Variants in DIAPH2 observed in about 807,000 individuals in gnomAD.
The protein encoded by DIAPH2 is diaphanous related formin 2, also known as protein diaphanous homolog 2.
Under a neutral mutation model 92.7 loss-of-function variants are expected in DIAPH2, and 35 were observed. That is an observed-to-expected ratio of 0.38 (90% CI 0.29 to 0.50). DIAPH2 has a LOEUF of 0.50. DIAPH2 is among the 20% of genes least tolerant of loss of function. The pLI is 0.94. For missense variants in DIAPH2, 701 were observed against 819.5 expected, an observed-to-expected ratio of 0.86 and a Z score of 1.77; for synonymous variants, 301 against 280.4, an observed-to-expected ratio of 1.07 and a Z score of -0.73.
At chrX:97,275,101 T>C (rs1239573483) in intron 23 of DIAPH2, among the ~76,000 whole-genome samples, 1 of 112,303 alleles carries the variant, frequency 8.9e-6, no homozygotes, top group Non-Finnish European at 1.9e-5. Context: ...TTCCCCCTTT[T>C]CTACTCGACA....
chrX:97,288,422 G>GA (rs1459111270), intron 23 of DIAPH2, among the ~76,000 whole-genome samples: 3 of 110,992 alleles, frequency 2.7e-5, no homozygotes, highest in Non-Finnish European at 3.8e-5. Context: ...GGGAGGCCAG[G>GA]AATCAACTAA....
intron 17 of DIAPH2, among the ~76,000 whole-genome samples, chrX:97,020,796 G>A (rs1214613179): frequency 1.8e-5 from 2 of 111,595 alleles, no homozygotes; most frequent in Non-Finnish European, 3.8e-5. Context: ...ACTCAGAGTG[G>A]TACACAATTT....
At chrX:96,767,012 A>G (rs867752721) in intron 4 of DIAPH2, among the ~76,000 whole-genome samples, 1 of 111,596 alleles carries the variant, frequency 9.0e-6, no homozygotes, top group Non-Finnish European at 1.9e-5. Flanking sequence ...CTTTGTCAAC[A>G]TTCTAGCCAT....
intron 1 of DIAPH2, among the ~76,000 whole-genome samples, chrX:96,725,715 A>G (rs2064016544): frequency 8.9e-6 from 1 of 112,377 alleles, no homozygotes; most frequent in Non-Finnish European, 1.9e-5. Flanking sequence ...ATTCAAGACC[A>G]TCAGTTAAAA....
intron 9 of DIAPH2, among the ~76,000 whole-genome samples, chrX:96,925,249 T>TA (rs1223621380): frequency 4.5e-5 from 5 of 110,643 alleles, no homozygotes; most frequent in Non-Finnish European, 9.5e-5. Flanking sequence ...ATCTTCCTTT[T>TA]AAAAAAAATC....
chrX:97,153,262 G>A (rs185920848), intron 22 of DIAPH2, among the ~76,000 whole-genome samples: 1 of 111,489 alleles, frequency 9.0e-6, no homozygotes, highest in African/African-American at 3.3e-5. Flanking sequence ...ATTTTGATTA[G>A]ATTTTGTTTA....
intron 3 of DIAPH2, among the ~76,000 whole-genome samples, chrX:96,750,895 C>T: frequency 8.9e-6 from 1 of 112,453 alleles, no homozygotes; most frequent in Non-Finnish European, 1.9e-5. Flanking sequence ...TGGATTGTTT[C>T]AGCTGCTTTT....
At chrX:96,939,236 G>T (rs763003181) in intron 11 of DIAPH2, 30 bp from the exon 12 acceptor site, 8 of 645,800 alleles carry the variant, frequency 1.2e-5, no homozygotes, top group Non-Finnish European at 2.0e-5. Context: ...TTCCATCAAG[G>T]ATCTTTAATA....
At chrX:97,277,463 A>G (rs977043674) in intron 23 of DIAPH2, among the ~76,000 whole-genome samples, 4 of 112,189 alleles carry the variant, frequency 3.6e-5, no homozygotes, top group Admixed American at 2.8e-4. Context: ...AATGTTAGGT[A>G]TGGCTTCATA....
intron 26 of DIAPH2, among the ~76,000 whole-genome samples, chrX:97,517,469 A>G (rs750025850): frequency 8.9e-6 from 1 of 112,254 alleles, no homozygotes; most frequent in East Asian, 2.8e-4. Flanking sequence ...GCTGAGAATC[A>G]TTGACAGAAC....
chrX:97,538,086 A>G (rs935026048), intron 26 of DIAPH2, among the ~76,000 whole-genome samples: 3 of 109,511 alleles, frequency 2.7e-5, no homozygotes, highest in Non-Finnish European at 5.7e-5. Context: ...GGGTTTCACC[A>G]TGTTAGCCAG....
intron 4 of DIAPH2, among the ~76,000 whole-genome samples, chrX:96,836,876 C>G (rs1282474114): frequency 1.0e-5 from 1 of 98,720 alleles, no homozygotes; most frequent in Non-Finnish European, 2.0e-5. Context: ...TACAGGCGCC[C>G]GCTACCACGC....
At chrX:97,205,682 A>G (rs2067790291) in intron 22 of DIAPH2, among the ~76,000 whole-genome samples, 1 of 111,556 alleles carries the variant, frequency 9.0e-6, no homozygotes, top group African/African-American at 3.3e-5. Flanking sequence ...GTGGAGAAAT[A>G]GGAATTATTT....
intron 9 of DIAPH2, among the ~76,000 whole-genome samples, chrX:96,923,393 A>G (rs1004443624): frequency 2.7e-5 from 3 of 112,005 alleles, no homozygotes; most frequent in African/African-American, 9.7e-5. Context: ...GTCCTCGCCT[A>G]TTTAATAGAT....
intron 4 of DIAPH2, among the ~76,000 whole-genome samples, chrX:96,786,539 A>G (rs2064458343): frequency 8.9e-6 from 1 of 112,349 alleles, no homozygotes. Context: ...TGTGTAAAGA[A>G]AAATGTAAAC....
intron 4 of DIAPH2, among the ~76,000 whole-genome samples, chrX:96,881,324 CACTTTATGTAAT>C (rs2065211528): frequency 9.0e-6 from 1 of 110,885 alleles, no homozygotes; most frequent in Non-Finnish European, 1.9e-5. Flanking sequence ...CTGTCAATGA[CACTTTATGTAAT>C]TCAAGTTCAT....
chrX:97,020,024 A>G (rs890238261), intron 17 of DIAPH2, among the ~76,000 whole-genome samples: 2 of 112,477 alleles, frequency 1.8e-5, no homozygotes, highest in Admixed American at 9.4e-5. Context: ...TTCAACTGAA[A>G]CATCAACTGG....
At chrX:96,991,636 T>G (rs1382166545) in intron 17 of DIAPH2, among the ~76,000 whole-genome samples, 2 of 106,353 alleles carry the variant, frequency 1.9e-5, no homozygotes, top group Non-Finnish European at 3.9e-5. Context: ...TTACAGTAAA[T>G]CATTGCTTAT....
At chrX:97,202,627 A>G (rs1039980442) in intron 22 of DIAPH2, among the ~76,000 whole-genome samples, 1 of 112,492 alleles carries the variant, frequency 8.9e-6, no homozygotes. Context: ...CAACAAGAAG[A>G]GCTAACTGTC....
Sources: gnomAD v4.1 joint callset for allele counts (sites outside exome capture counted in the v4.1 genomes callset) on GRCh38, gnomAD v4.1.1 for gene constraint, MANE v1.5 for transcripts, NCBI Gene and HGNC (gene_info 2026-07-23, HGNC 2026-07-21) for gene names.